Variants in MYH7B observed in about 807,000 individuals in gnomAD.
MYH7B encodes the protein myosin heavy chain 7B, also known as myosin-7B.
MYH7B carries 205 observed loss-of-function variants against 234.5 expected under a neutral mutation model. That is an observed-to-expected ratio of 0.87 (90% CI 0.78 to 0.98). The LOEUF (loss-of-function observed/expected upper bound fraction) is 0.98. MYH7B is among the 50% of genes least tolerant of loss of function. The pLI, the probability that MYH7B is intolerant of heterozygous loss-of-function variation, is 0.00. For synonymous variants in MYH7B, 1,193 were observed against 1,105.0 expected (o/e 1.08, Z -1.58); for missense variants, 2,652 against 2,633.4 (o/e 1.01, Z -0.15).
intron 7 of MYH7B, 138 bp downstream of exon 7, chr20:34,979,942 T>G: frequency 1.4e-6 from 1 of 713,776 alleles, no homozygotes; most frequent in Non-Finnish European, 2.0e-6. Context: ...ATAGAGCGGG[T>G]CCATAGCGGG....
chr20:34,980,101 G>A, intron 7 of MYH7B: 1 of 469,232 alleles, frequency 2.1e-6, no homozygotes, highest in Non-Finnish European at 3.9e-6. Flanking sequence ...GTGGGCTGGG[G>A]CAGGGCTGTG....
chr20:34,979,404 T>G, exon 6 of MYH7B: 1 of 1,613,472 alleles, frequency 6.2e-7, no homozygotes, highest in Non-Finnish European at 8.5e-7. Context: ...GAAGCGAGTC[T>G]GGGTGCCTGA....
At chr20:34,999,135 G>C (rs1463780452) in exon 36 of MYH7B, 1 of 1,613,724 alleles carries the variant, frequency 6.2e-7, no homozygotes, top group Non-Finnish European at 8.5e-7. Flanking sequence ...GTTGGAGAAG[G>C]CCAAGCTGCG....
chr20:34,990,758 G>A (rs1569049398), exon 23 of MYH7B: 1 of 1,614,138 alleles, frequency 6.2e-7, no homozygotes. Context: ...ACAAGCTGAT[G>A]ACCAACCTGC....
At chr20:34,986,810 C>T (rs1366341791) in intron 14 of MYH7B, 76 bp from the exon 15 acceptor site, 1 of 1,250,586 alleles carries the variant, frequency 8.0e-7, no homozygotes, top group Non-Finnish European at 1.2e-6. Context: ...CGCAGGACCC[C>T]CTATGCTGCA....
chr20:34,995,426 G>A (rs1227767079), exon 28 of MYH7B: 43 of 1,613,644 alleles, frequency 2.7e-5, no homozygotes, highest in Non-Finnish European at 3.6e-5. Flanking sequence ...GGAGCTGAGT[G>A]AGCGGCTGGA....
exon 12 of MYH7B, chr20:34,984,868 T>C (rs750846530): frequency 4.3e-6 from 7 of 1,613,834 alleles, no homozygotes; most frequent in Non-Finnish European, 5.1e-6. Flanking sequence ...CCCTTGAGGA[T>C]CAAATCATCG....
chr20:34,956,116 G>C (rs2081630627), intron 1 of MYH7B, 109 bp downstream of exon 1: 1 of 152,286 alleles, frequency 6.6e-6, no homozygotes, highest in Admixed American at 6.5e-5. Context: ...ATTGATAAGG[G>C]TGGGGGTGGC....
chr20:34,986,542 C>T (rs1204157612), intron 14 of MYH7B, among the ~76,000 whole-genome samples: 1 of 152,236 alleles, frequency 6.6e-6, no homozygotes, highest in African/African-American at 2.4e-5. Context: ...GTCTGGTCTT[C>T]CCTGTGCGCC....
chr20:34,984,293 A>G (rs734308), intron 10 of MYH7B, among the ~76,000 whole-genome samples: 56,391 of 152,126 alleles, frequency 0.37, 12,146 homozygotes, highest in Admixed American at 0.55. Context: ...GAAGAGGTCT[A>G]TTCCAGCTTT....
chr20:34,976,962 G>A (rs2147165790), intron 3 of MYH7B, among the ~76,000 whole-genome samples: 2 of 152,322 alleles, frequency 1.3e-5, no homozygotes, highest in South Asian at 4.1e-4. Flanking sequence ...CCTCTGGGAG[G>A]CAGGCGATGC....
At chr20:34,967,090 A>G (rs1019398105) in intron 2 of MYH7B, among the ~76,000 whole-genome samples, 5 of 151,928 alleles carry the variant, frequency 3.3e-5, no homozygotes, top group African/African-American at 1.2e-4. Flanking sequence ...TTAGCTGGGC[A>G]TGGTGGCGCG....
At chr20:34,996,409 A>G (rs747978314) in exon 29 of MYH7B, 1 of 1,612,866 alleles carries the variant, frequency 6.2e-7, no homozygotes, top group Non-Finnish European at 8.5e-7. Context: ...GACCAAGGAG[A>G]AGAAGGCGTT....
intron 2 of MYH7B, among the ~76,000 whole-genome samples, chr20:34,964,187 G>A (rs2081722858): frequency 6.6e-6 from 1 of 152,168 alleles, no homozygotes; most frequent in South Asian, 2.1e-4. Flanking sequence ...TGCCAGCAGT[G>A]TATTAGAATT....
intron 27 of MYH7B, among the ~76,000 whole-genome samples, chr20:34,994,709 A>G (rs1428524373): frequency 5.9e-5 from 9 of 152,224 alleles, no homozygotes; most frequent in Non-Finnish European, 1.2e-4. Flanking sequence ...GTTAAGGGCC[A>G]TGGGAACCCA....
exon 8 of MYH7B, chr20:34,980,672 G>T (rs762719894): frequency 6.2e-7 from 1 of 1,614,134 alleles, no homozygotes; most frequent in East Asian, 2.2e-5. Context: ...GGAAAGCGCC[G>T]CTCAGATTCC....
intron 16 of MYH7B, 45 bp from the exon 17 acceptor site, chr20:34,987,512 C>G: frequency 1.3e-6 from 2 of 1,512,242 alleles, no homozygotes; most frequent in Non-Finnish European, 1.8e-6. Context: ...CCCCTGAGTG[C>G]GCATGGTGGT....
At chr20:34,978,224 GA>G in intron 5 of MYH7B, 128 bp downstream of exon 5, 1 of 1,082,680 alleles carries the variant, frequency 9.2e-7, no homozygotes, top group Non-Finnish European at 1.3e-6. Flanking sequence ...TGGAGCCCTG[GA>G]CCTTTCCTGC....
chr20:34,983,298 C>CTTTTTTTTTTTTTTT (rs57589264), intron 10 of MYH7B, among the ~76,000 whole-genome samples: 12 of 71,636 alleles, frequency 1.7e-4, no homozygotes, highest in East Asian at 6.2e-4. Context: ...CTTTTCTTTT[C>CTTTTTTTTTTTTTTT]TTTTTTTTTT....
Sources: allele counts gnomAD v4.1 joint callset (sites outside exome capture counted in the v4.1 genomes callset), GRCh38; gene constraint gnomAD v4.1.1; transcripts MANE v1.5; gene names NCBI Gene and HGNC (gene_info 2026-07-23, HGNC 2026-07-21).